Variants in LINGO2 observed in about 807,000 individuals in gnomAD.
The protein encoded by LINGO2 is leucine rich repeat and Ig domain containing 2, also known as leucine-rich repeat and immunoglobulin-like domain-containing nogo receptor-interacting protein 2.
In LINGO2, 14 loss-of-function variants were observed where a neutral mutation model predicts 30.6. The ratio of observed to expected loss-of-function variants is 0.46; its 90% confidence interval spans 0.30 to 0.72. LINGO2 has a LOEUF of 0.72. LINGO2 is among the 30% of genes least tolerant of loss of function. The pLI, the probability that LINGO2 is intolerant of heterozygous loss-of-function variation, is 0.07. For synonymous variants in LINGO2, 317 were observed against 288.5 expected (o/e 1.10, Z -1.00); for missense variants, 729 against 751.7 (o/e 0.97, Z 0.35).
intron 4 of LINGO2, among the ~76,000 whole-genome samples, chr9:28,035,223 GTTCT>G (rs1453208627): frequency 6.6e-6 from 1 of 151,582 alleles, no homozygotes; most frequent in African/African-American, 2.4e-5. Context: ...GTTGATAAGT[GTTCT>G]TTCTGTTTAA....
chr9:29,043,378 GATAAGGTCT>G, the LINGO2 span, among the ~76,000 whole-genome samples: 1 of 151,962 alleles, frequency 6.6e-6, no homozygotes, highest in Admixed American at 6.6e-5. Flanking sequence ...GCTTGAAGAT[GATAAGGTCT>G]ATGATTAAAC....
chr9:28,513,136 A>G, intron 1 of LINGO2, among the ~76,000 whole-genome samples: 1 of 151,326 alleles, frequency 6.6e-6, no homozygotes, highest in East Asian at 1.9e-4. Context: ...CTTAGAAAAT[A>G]TTCTAGCTTT....
At chr9:28,992,074 T>C in the LINGO2 span, among the ~76,000 whole-genome samples, 2 of 152,114 alleles carry the variant, frequency 1.3e-5, no homozygotes, top group Non-Finnish European at 2.9e-5. Flanking sequence ...GACTGGCAAG[T>C]TGGATAAAGA....
the LINGO2 span, chr9:27,938,606 A>G: frequency 1.3e-5 from 2 of 152,200 alleles, no homozygotes; most frequent in East Asian, 1.9e-4. Context: ...TAAAGCAGGT[A>G]GGTCCTTAAC....
chr9:28,316,205 T>C (rs1055549344), intron 3 of LINGO2, among the ~76,000 whole-genome samples: 2 of 152,014 alleles, frequency 1.3e-5, no homozygotes, highest in African/African-American at 4.8e-5. Context: ...TATTATTACA[T>C]GTATATACAC....
the LINGO2 span, among the ~76,000 whole-genome samples, chr9:28,997,044 C>A: frequency 1.1e-4 from 17 of 152,232 alleles, no homozygotes; most frequent in Non-Finnish European, 2.1e-4. Flanking sequence ...CCTAATTTAT[C>A]ATCTGAAAAT....
chr9:28,624,523 T>A (rs1204350341), intron 1 of LINGO2, among the ~76,000 whole-genome samples: 1 of 152,122 alleles, frequency 6.6e-6, no homozygotes, highest in African/African-American at 2.4e-5. Flanking sequence ...AAATCCCACT[T>A]GGTCATGGTA....
chr9:28,561,439 T>C (rs1823051532), intron 1 of LINGO2, among the ~76,000 whole-genome samples: 1 of 151,590 alleles, frequency 6.6e-6, no homozygotes, highest in African/African-American at 2.4e-5. Context: ...CCTCTGATAG[T>C]TACTTTTTAA....
At chr9:28,407,958 G>C (rs369459500) in intron 2 of LINGO2, among the ~76,000 whole-genome samples, 1 of 152,060 alleles carries the variant, frequency 6.6e-6, no homozygotes, top group African/African-American at 2.4e-5. Context: ...CCCAGTCCTT[G>C]ACTGGGCAAA....
downstream of LINGO2, chr9:27,943,389 T>C (rs1823241835): frequency 6.6e-6 from 1 of 152,310 alleles, no homozygotes; most frequent in Non-Finnish European, 1.5e-5. Flanking sequence ...AAAGGTAAAG[T>C]CTTCTTTAAA....
the LINGO2 span, among the ~76,000 whole-genome samples, chr9:28,963,526 C>T: frequency 0.66 from 97,324 of 147,560 alleles, 32,281 homozygotes; most frequent in Non-Finnish European, 0.72. Flanking sequence ...ATGAATAAAG[C>T]AAATGTGGTA....
At chr9:28,721,009 T>C in the LINGO2 span, among the ~76,000 whole-genome samples, 417 of 152,016 alleles carry the variant, frequency 2.7e-3, 3 homozygotes, top group African/African-American at 9.6e-3. Flanking sequence ...CCTGTTAAGA[T>C]GGATGAAGAG....
the LINGO2 span, among the ~76,000 whole-genome samples, chr9:28,995,020 G>A: frequency 6.6e-6 from 1 of 151,850 alleles, no homozygotes; most frequent in Non-Finnish European, 1.5e-5. Context: ...TTGACAAATG[G>A]GATCTAATTA....
rs1163395784 is a variant in LINGO2, at chr9:28,166,258, A to G, written c.-87+128950T>C. 2.6e-4 allele frequency among the ~76,000 whole-genome samples: 39 copies of G among 152,290 alleles called. 1 individual carries two copies. The highest frequency in any genetic ancestry group is 2.6e-3 in the Admixed American group (39 of 15,278). On this transcript the variant is annotated intron_variant, in intron 4 of 5. Coordinates refer to ENST00000379992, the Ensembl canonical transcript of LINGO2. ...ACCTAATCCAAAACAACTACAACAC[A>G]ATCTATCATAAGTCATAGATGGTAG...
At chr9:28,996,970 A>G in the LINGO2 span, among the ~76,000 whole-genome samples, 2 of 152,206 alleles carry the variant, frequency 1.3e-5, no homozygotes, top group Admixed American at 1.3e-4. Flanking sequence ...TTCTCTGCCA[A>G]CATGTATTCC....
intron 4 of LINGO2, among the ~76,000 whole-genome samples, chr9:28,024,124 T>C (rs1421660654): frequency 2.0e-5 from 3 of 152,210 alleles, no homozygotes; most frequent in African/African-American, 7.2e-5. Flanking sequence ...TTCCAAGCTC[T>C]TTACCTGTGG....
chr9:29,189,453 G>A, the LINGO2 span, among the ~76,000 whole-genome samples: 1 of 151,692 alleles, frequency 6.6e-6, no homozygotes. Flanking sequence ...CCTCCCAGAC[G>A]GGGTCGCGCC....
the LINGO2 span, among the ~76,000 whole-genome samples, chr9:28,764,332 G>A: frequency 1.3e-5 from 2 of 151,758 alleles, no homozygotes; most frequent in Non-Finnish European, 2.9e-5. Flanking sequence ...GTTTATTTCT[G>A]GGATGCAAAG....
intron 4 of LINGO2, among the ~76,000 whole-genome samples, chr9:28,246,926 C>G (rs10757720): frequency 0.14 from 21,663 of 152,088 alleles, 1,804 homozygotes; most frequent in African/African-American, 0.23. Context: ...AACAAACAAC[C>G]CTTTTTCAAA....
Sources: allele counts gnomAD v4.1 joint callset (sites outside exome capture counted in the v4.1 genomes callset), GRCh38; gene constraint gnomAD v4.1.1; transcripts MANE v1.5; gene names NCBI Gene and HGNC (gene_info 2026-07-23, HGNC 2026-07-21).